PPARD: variants seen among roughly 807,000 people sequenced by gnomAD.
PPARD encodes peroxisome proliferator activated receptor delta.
Under a neutral mutation model 39.5 loss-of-function variants are expected in PPARD, and 6 were observed. The observed-to-expected ratio is 0.15, with a 90% CI of 0.08 to 0.30. PPARD has a LOEUF of 0.30. Among genes scored for constraint, PPARD ranks in the 10% least tolerant of loss-of-function variants. The probability of loss-of-function intolerance (pLI) is 1.00; values close to 1 mark genes in which losing one functional copy is unlikely to be tolerated. For missense variants in PPARD, 397 were observed against 596.8 expected (o/e 0.67, Z 3.49); for synonymous variants, 210 against 231.3 (o/e 0.91, Z 0.83).
intron 5 of PPARD, among the ~76,000 whole-genome samples, chr6:35,423,089 G>A (rs1435259423): frequency 1.4e-5 from 2 of 146,440 alleles, no homozygotes; most frequent in African/African-American, 5.1e-5. Flanking sequence ...AATTTAGCCA[G>A]GCTTGGTGGC....
chr6:35,398,943 G>C (rs1278142646), intron 2 of PPARD, among the ~76,000 whole-genome samples: 1 of 151,786 alleles, frequency 6.6e-6, no homozygotes, highest in African/African-American at 2.4e-5. Context: ...GTGAAACCCT[G>C]ACTCTACCAA....
intron 2 of PPARD, among the ~76,000 whole-genome samples, chr6:35,365,276 T>A (rs1582309649): frequency 7.5e-6 from 1 of 133,326 alleles, no homozygotes; most frequent in Non-Finnish European, 1.6e-5. Flanking sequence ...GGAATACAGG[T>A]GCTTGCCACC....
At chr6:35,374,610 A>G (rs1482815025) in intron 2 of PPARD, among the ~76,000 whole-genome samples, 1 of 150,374 alleles carries the variant, frequency 6.7e-6, no homozygotes, top group Non-Finnish European at 1.5e-5. Flanking sequence ...GTGAGCTGAG[A>G]TCGCGCCCCT....
intron 2 of PPARD, among the ~76,000 whole-genome samples, chr6:35,407,694 A>G (rs967904147): frequency 2.0e-5 from 3 of 150,766 alleles, no homozygotes; most frequent in Non-Finnish European, 3.0e-5. Context: ...ATAAAATAAA[A>G]TAAAATAAAC....
At chr6:35,394,525 C>T (rs1046545949) in intron 2 of PPARD, among the ~76,000 whole-genome samples, 86 of 152,184 alleles carry the variant, frequency 5.7e-4, no homozygotes, top group African/African-American at 2.0e-3. Context: ...AATCTCAGCA[C>T]TTTGGGAGGC....
intron 2 of PPARD, among the ~76,000 whole-genome samples, chr6:35,400,456 C>T (rs1276432234): frequency 6.6e-6 from 1 of 152,192 alleles, no homozygotes; most frequent in Non-Finnish European, 1.5e-5. Flanking sequence ...GCTCTACCAA[C>T]TGAGCTAGCC....
chr6:35,384,361 G>A (rs1490758010), intron 2 of PPARD, among the ~76,000 whole-genome samples: 3 of 137,788 alleles, frequency 2.2e-5, no homozygotes, highest in Non-Finnish European at 3.1e-5. Flanking sequence ...GGTGAGGGGC[G>A]CCTCTGCCTG....
chr6:35,394,448 G>A (rs546009089), intron 2 of PPARD, among the ~76,000 whole-genome samples: 1 of 152,240 alleles, frequency 6.6e-6, no homozygotes, highest in South Asian at 2.1e-4. Flanking sequence ...ACTAGACACA[G>A]CACATGTTCA....
chr6:35,364,682 C>T (rs1762096667), intron 2 of PPARD, among the ~76,000 whole-genome samples: 1 of 151,624 alleles, frequency 6.6e-6, no homozygotes, highest in Non-Finnish European at 1.5e-5. Context: ...CAGGCAATCT[C>T]CCCGCCTTGG....
rs755905723 is a variant in PPARD, at chr6:35,424,352, G to T, written c.651G>T (p.Glu217Asp). 1 of 1,612,280 alleles carries T rather than the reference G, an allele frequency of 6.2e-7. No individual in the cohort carries two copies. The highest frequency in any genetic ancestry group is 1.1e-5 in the South Asian group (1 of 91,076). ...HTAPFVIHDI[E>D]TLWQAEKGLV... ...AGCCCTTTGTGATCCACGACATCGA[G>T]ACATTGTGGCAGGCAGAGAAGGGGC... Residue 217 changes from glutamate (E) to aspartate (D), a missense_variant, in exon 7 of 8, where the codon GAG becomes GAT. Transcript: ENST00000360694. This position sits in a 1 kb window ranked among gnomAD's most constrained non-coding sequence, Gnocchi z 7.1.
intron 2 of PPARD, among the ~76,000 whole-genome samples, chr6:35,375,209 G>GTTTTTTTTTTTTTTTTTTTT (rs558275286): frequency 1.7e-5 from 1 of 59,206 alleles, no homozygotes; most frequent in East Asian, 5.4e-4. Flanking sequence ...CTCCTTCCGA[G>GTTTTTTTTTTTTTTTTTTTT]TTTTTTTTTT....
At chr6:35,370,595 A>C (rs1762432564) in intron 2 of PPARD, among the ~76,000 whole-genome samples, 3 of 151,936 alleles carry the variant, frequency 2.0e-5, no homozygotes, top group African/African-American at 7.3e-5. Flanking sequence ...CACTGGCCAC[A>C]GTCCCTGCTC....
rs954542276 is a variant in PPARD at position 35,422,028 on chromosome 6, C to T, written c.424+70C>T. Reference sequence around the variant, plus strand: ...GCCTGAAACCAAGGTCCAGGGAGCCCTTGGGGCAGCCTAGAGGGGGCACCT... The same window carrying T: ...GCCTGAAACCAAGGTCCAGGGAGCCTTTGGGGCAGCCTAGAGGGGGCACCT... On this transcript the variant is annotated intron_variant, in intron 5 of 7. Coordinates refer to ENST00000360694, the MANE Select transcript of PPARD (RefSeq NM_006238.5). 7.3e-6 allele frequency: 11 copies of T among 1,506,724 alleles called. No individual in the cohort carries two copies. The Admixed American group carries it at 1.5e-4, about 21-fold the overall frequency. The allele number at this position is 1,506,724 out of a possible 1,614,324, so 93.3% of individuals were successfully genotyped here. A position where few individuals can be genotyped will look rare whatever the true frequency, so the allele number is the denominator to read the frequency against.
chr6:35,344,211 G>A (rs6919734), intron 1 of PPARD, among the ~76,000 whole-genome samples: 5,566 of 151,932 alleles, frequency 0.037, 211 homozygotes, highest in African/African-American at 0.098. Flanking sequence ...CTGAATCTAG[G>A]GAATCCAAAT....
intron 2 of PPARD, among the ~76,000 whole-genome samples, chr6:35,402,072 C>T (rs909548627): frequency 1.3e-5 from 2 of 152,154 alleles, no homozygotes; most frequent in African/African-American, 4.8e-5. Context: ...TGGCATCTCT[C>T]AGCATTTTAT....
chr6:35,393,299 C>T (rs192325764), intron 2 of PPARD, among the ~76,000 whole-genome samples: 5 of 152,298 alleles, frequency 3.3e-5, no homozygotes, highest in East Asian at 3.9e-4. Context: ...GACAGACTCC[C>T]GGTCATCACT....
At chr6:35,394,176 AGTGT>A (rs1764177646) in intron 2 of PPARD, among the ~76,000 whole-genome samples, 1 of 152,112 alleles carries the variant, frequency 6.6e-6, no homozygotes. Flanking sequence ...TTGTGGGGCA[AGTGT>A]GTGTAGCTCT....
intron 2 of PPARD, among the ~76,000 whole-genome samples, chr6:35,395,511 A>G (rs1764261846): frequency 1.3e-5 from 2 of 152,184 alleles, no homozygotes; most frequent in Admixed American, 1.3e-4. Flanking sequence ...GGAGCCACAC[A>G]TCAAGAGGAC....
intron 2 of PPARD, among the ~76,000 whole-genome samples, chr6:35,374,385 C>T (rs1266324850): frequency 5.9e-5 from 9 of 151,640 alleles, no homozygotes; most frequent in African/African-American, 1.9e-4. Flanking sequence ...GGGCCAGGCG[C>T]GGTGGCTCAT....
Sources: allele counts gnomAD v4.1 joint callset (sites outside exome capture counted in the v4.1 genomes callset), GRCh38; gene constraint gnomAD v4.1.1; non-coding constraint Gnocchi (gnomAD v3.1); transcripts MANE v1.5; gene names NCBI Gene and HGNC (gene_info 2026-07-23, HGNC 2026-07-21).